The following SCMH1 variants were observed in gnomAD, a reference collection of about 807,000 sequenced individuals.
SCMH1 encodes Scm polycomb group protein homolog 1.
Under a neutral mutation model 70.8 loss-of-function variants are expected in SCMH1, and 37 were observed. The ratio of observed to expected loss-of-function variants is 0.52; its 90% confidence interval spans 0.40 to 0.69. SCMH1 has a LOEUF of 0.69. Ranked by LOEUF, SCMH1 falls within the 30% of genes least tolerant of loss-of-function variation. The probability of loss-of-function intolerance (pLI) is 0.00; values close to 1 mark genes in which losing one functional copy is unlikely to be tolerated. For synonymous variants in SCMH1, 292 were observed against 307.4 expected (o/e 0.95, Z 0.52); for missense variants, 607 against 827.3 (o/e 0.73, Z 3.27).
intron 12 of SCMH1, among the ~76,000 whole-genome samples, chr1:41,042,280 G>A (rs893313745): frequency 1.0e-4 from 15 of 150,554 alleles, no homozygotes; most frequent in African/African-American, 3.4e-4. Flanking sequence ...ATGGAGTTTC[G>A]CTCTGTCATC....
chr1:41,160,930 C>T (rs1309715800), intron 3 of SCMH1, 32 bp from the exon 4 acceptor site: 1 of 1,545,366 alleles, frequency 6.5e-7, no homozygotes, highest in East Asian at 2.4e-5. Context: ...GAGCATAAGT[C>T]ATTAAGACAA....
intron 8 of SCMH1, among the ~76,000 whole-genome samples, chr1:41,087,033 C>G (rs770020071): frequency 6.6e-6 from 1 of 151,998 alleles, no homozygotes. Context: ...TACTGGTACA[C>G]CAATGGACAG....
intron 1 of SCMH1, among the ~76,000 whole-genome samples, chr1:41,207,910 G>C (rs57427365): frequency 0.14 from 20,960 of 144,726 alleles, 1,776 homozygotes; most frequent in Non-Finnish European, 0.21. Flanking sequence ...ATTTGACCCA[G>C]CCATCCCATT....
chr1:41,213,942 A>G (rs1657579212), intron 1 of SCMH1, among the ~76,000 whole-genome samples: 1 of 152,138 alleles, frequency 6.6e-6, no homozygotes, highest in Non-Finnish European at 1.5e-5. Flanking sequence ...TCAAAGCTCA[A>G]TACTGGGCAA....
intron 1 of SCMH1, among the ~76,000 whole-genome samples, chr1:41,225,990 T>C (rs551779616): frequency 5.3e-5 from 8 of 152,206 alleles, no homozygotes; most frequent in Non-Finnish European, 1.0e-4. Flanking sequence ...CTGCCTCACC[T>C]TGAACCTCCT....
chr1:41,220,740 T>C (rs1365141897), intron 1 of SCMH1, among the ~76,000 whole-genome samples: 1 of 152,228 alleles, frequency 6.6e-6, no homozygotes, highest in Non-Finnish European at 1.5e-5. Context: ...ATAAAGTTCA[T>C]ATCTTTTTAA....
chr1:41,171,934 G>A (rs942804932), intron 2 of SCMH1, among the ~76,000 whole-genome samples: 1 of 152,160 alleles, frequency 6.6e-6, no homozygotes, highest in African/African-American at 2.4e-5. Context: ...GCTCACGCCT[G>A]TAATCCCAGC....
chr1:41,131,717 C>CA, intron 6 of SCMH1, among the ~76,000 whole-genome samples: 1 of 152,264 alleles, frequency 6.6e-6, no homozygotes, highest in Admixed American at 6.5e-5. Context: ...TCCCACCCCC[C>CA]AGCAGGCCCT....
At chr1:41,152,451 TA>T in intron 4 of SCMH1, 1 of 845,094 alleles carries the variant, frequency 1.2e-6, no homozygotes, top group Non-Finnish European at 1.8e-6. Context: ...CTGTCCTAGA[TA>T]AACAATCTTC....
At chr1:41,198,513 T>G (rs556298031) in intron 1 of SCMH1, among the ~76,000 whole-genome samples, 1 of 152,328 alleles carries the variant, frequency 6.6e-6, no homozygotes, top group African/African-American at 2.4e-5. Context: ...AAATTTGAAT[T>G]TTCAAGAATT....
chr1:41,177,374 A>T (rs536038714), intron 2 of SCMH1, among the ~76,000 whole-genome samples: 44 of 152,378 alleles, frequency 2.9e-4, no homozygotes, highest in Admixed American at 2.7e-3. Flanking sequence ...CCAGCAATGG[A>T]ACAAAGCTGG....
At chr1:41,240,026 G>A (rs1436137371) in intron 1 of SCMH1, among the ~76,000 whole-genome samples, 1 of 152,188 alleles carries the variant, frequency 6.6e-6, no homozygotes, top group Non-Finnish European at 1.5e-5. Context: ...TGCAAGGAAG[G>A]AATCAGGGCC....
At chr1:41,089,787 CTTTTTTTT>C (rs373229472) in intron 8 of SCMH1, among the ~76,000 whole-genome samples, 18 of 58,752 alleles carry the variant, frequency 3.1e-4, no homozygotes, top group East Asian at 1.8e-3. Flanking sequence ...CATGTTGTCT[CTTTTTTTT>C]TTTTTTTTTT....
intron 8 of SCMH1, among the ~76,000 whole-genome samples, chr1:41,089,984 G>A (rs1437021851): frequency 6.6e-6 from 1 of 151,056 alleles, no homozygotes; most frequent in Admixed American, 6.6e-5. Flanking sequence ...TAGAGATGAG[G>A]TTTTGCCATG....
intron 3 of SCMH1, 143 bp from the exon 4 acceptor site, chr1:41,161,041 T>C (rs1208676159): frequency 3.1e-6 from 3 of 952,440 alleles, no homozygotes; most frequent in Non-Finnish European, 3.2e-6. Flanking sequence ...AGATTCTTAG[T>C]AGTCATTGTG....
chr1:41,094,156 G>C (rs929139436), intron 8 of SCMH1, among the ~76,000 whole-genome samples: 1 of 152,270 alleles, frequency 6.6e-6, no homozygotes. Context: ...CTACTCAAAG[G>C]CTGGGATTTA....
chr1:41,173,383 C>G (rs989406430), intron 2 of SCMH1, among the ~76,000 whole-genome samples: 7 of 152,118 alleles, frequency 4.6e-5, no homozygotes, highest in Non-Finnish European at 1.0e-4. Flanking sequence ...CATCACTAAT[C>G]ATCAGGGAAA....
chr1:41,161,014 C>T, intron 3 of SCMH1, 116 bp from the exon 4 acceptor site: 1 of 1,099,850 alleles, frequency 9.1e-7, no homozygotes, highest in South Asian at 1.4e-5. Flanking sequence ...TCAGTTATCT[C>T]ATCCTAAAAG....
chr1:41,075,263 G>A (rs1293669225), exon 9 of SCMH1: 1 of 1,614,122 alleles, frequency 6.2e-7, no homozygotes, highest in East Asian at 2.2e-5. Context: ...AATTTCAAAG[G>A]TTCAGCTGTC....
Sources: allele counts gnomAD v4.1 joint callset (sites outside exome capture counted in the v4.1 genomes callset), GRCh38; gene constraint gnomAD v4.1.1; transcripts MANE v1.5; gene names NCBI Gene and HGNC (gene_info 2026-07-23, HGNC 2026-07-21).